SLF1: variants seen among roughly 807,000 people sequenced by gnomAD.
SLF1 encodes the protein SMC5/6 complex localization factor 1.
Under a neutral mutation model 123.0 loss-of-function variants are expected in SLF1, and 105 were observed. The ratio of observed to expected loss-of-function variants is 0.85; its 90% CI spans 0.73 to 1.00. The LOEUF (loss-of-function observed/expected upper bound fraction) is 1.00. SLF1 is among the 50% of genes least tolerant of loss of function. The pLI, the probability that SLF1 is intolerant of heterozygous loss-of-function variation, is 0.00. For synonymous variants in SLF1, 434 were observed against 406.6 expected (o/e 1.07, Z -0.81); for missense variants, 1,239 against 1,223.0 (o/e 1.01, Z -0.20).
intron 20 of SLF1, among the ~76,000 whole-genome samples, chr5:94,693,693 G>T (rs1231138467): frequency 2.0e-5 from 3 of 150,744 alleles, no homozygotes; most frequent in East Asian, 3.9e-4. Flanking sequence ...ATAATTTCAA[G>T]AATTTATTTA....
intron 18 of SLF1, among the ~76,000 whole-genome samples, chr5:94,690,352 A>G (rs1294908698): frequency 6.6e-6 from 1 of 152,194 alleles, no homozygotes; most frequent in East Asian, 1.9e-4. Context: ...TTATATTTCA[A>G]TGTGATATAA....
At chr5:94,690,703 T>G (rs1752965606) in intron 18 of SLF1, among the ~76,000 whole-genome samples, 1 of 152,166 alleles carries the variant, frequency 6.6e-6, no homozygotes, top group Non-Finnish European at 1.5e-5. Context: ...ATTCAGTATT[T>G]CATTTTGTTT....
intron 17 of SLF1, 111 bp downstream of exon 17, chr5:94,688,780 A>C: frequency 8.5e-7 from 1 of 1,170,484 alleles, no homozygotes; most frequent in South Asian, 2.1e-5. Flanking sequence ...TATACTGATT[A>C]GATCAAAACT....
At chr5:94,621,754 T>G (rs1253454293) in intron 1 of SLF1, among the ~76,000 whole-genome samples, 1 of 152,166 alleles carries the variant, frequency 6.6e-6, no homozygotes, top group Non-Finnish European at 1.5e-5. Context: ...CTTGTTCTGT[T>G]TCTTCCTTCT....
intron 12 of SLF1, among the ~76,000 whole-genome samples, chr5:94,667,303 A>G (rs965262266): frequency 6.6e-6 from 1 of 152,232 alleles, no homozygotes; most frequent in Non-Finnish European, 1.5e-5. Context: ...CAAGCCCAGC[A>G]TAGGTATATG....
At position 94,663,848 on chromosome 5, in the gene SLF1, G is replaced by T. The variant is rs1389845989; in HGVS notation, c.1308G>T (p.Leu436Phe). 1.8e-5 allele frequency: 28 copies of T among 1,550,824 alleles called. No homozygotes were observed. The highest frequency in any genetic ancestry group is 1.9e-5 in the Non-Finnish European group (22 of 1,146,766). ...AAGCAATTGAGGAACTTTCCACTTTGCAGGCACATTATATCCCTCCTGTAT... is the reference window on the plus strand; with the variant it reads ...AAGCAATTGAGGAACTTTCCACTTTTCAGGCACATTATATCCCTCCTGTAT... The part of the protein sequence containing the change: ...FKEAIEELST[L>F]QAHYIPPVCV... The change falls in exon 11 of 21, where the codon TTG (leucine) becomes TTT (phenylalanine). Residue 436 changes from leucine to phenylalanine, a missense_variant. Transcript: ENST00000265140.
intron 10 of SLF1, among the ~76,000 whole-genome samples, chr5:94,663,197 A>T (rs2044911): frequency 0.22 from 33,872 of 152,126 alleles, 3,898 homozygotes; most frequent in East Asian, 0.34. Context: ...TTTCTTTTAG[A>T]GGTAGTATTT....
intron 5 of SLF1, among the ~76,000 whole-genome samples, chr5:94,646,107 C>T (rs1485312202): frequency 6.6e-6 from 1 of 152,134 alleles, no homozygotes; most frequent in Non-Finnish European, 1.5e-5. Context: ...TTAAAATTTG[C>T]TGGATGTGGT....
At chr5:94,627,546 A>G in intron 1 of SLF1, among the ~76,000 whole-genome samples, 1 of 144,358 alleles carries the variant, frequency 6.9e-6, no homozygotes, top group Admixed American at 7.1e-5. Flanking sequence ...TTTTCCAAAA[A>G]GTGATTTTTT....
chr5:94,651,845 G>A lies in SLF1; in HGVS notation c.882G>A (p.Gln294=). The part of the protein sequence containing the change: ...NTFGSHTYEN[Q]KEIKKKDEDI... The stretch of plus-strand genomic sequence containing the variant: ...TTGGAAGCCATACATATGAAAATCA[G>A]GTACAACTTTCCAAATTAAAAATAA... The change falls in exon 7 of 21, where the codon CAG becomes CAA. Residue 294 remains glutamine (Q), a splice_region_variant and synonymous_variant. Transcript: ENST00000265140. 1 of 1,359,246 alleles carries A rather than the reference G, an allele frequency of 7.4e-7. No homozygotes were observed. The highest frequency in any genetic ancestry group is 9.8e-7 in the Non-Finnish European group (1 of 1,025,580). 84.2% of individuals were successfully genotyped at this position (1,359,246 alleles called of 1,614,324 possible).
At position 94,630,553 on chromosome 5, in the gene SLF1, A is replaced by C; in HGVS notation, c.241A>C (p.Arg81=). The C allele has an allele frequency of 6.4e-7, 1 of 1,551,644 alleles. No homozygotes were observed. ...DYIIHSAKSG[R]WLDETTYEWG... ...TATAATTCATAGTGCCAAAAGTGGCAGATGGCTTGATGAAACAACTTATGA... is the reference window on the plus strand; with the variant it reads ...TATAATTCATAGTGCCAAAAGTGGCCGATGGCTTGATGAAACAACTTATGA... Residue 81 remains arginine, a synonymous_variant, in exon 4 of 21, where the codon AGA becomes CGA. Transcript: ENST00000265140.
chr5:94,621,191 T>C (rs964224015), intron 1 of SLF1, among the ~76,000 whole-genome samples: 3 of 152,214 alleles, frequency 2.0e-5, no homozygotes, highest in African/African-American at 7.2e-5. Context: ...TTTATGAAAT[T>C]ATAATGTGGT....
At chr5:94,634,264 A>G (rs1322862240) in intron 4 of SLF1, among the ~76,000 whole-genome samples, 1 of 151,658 alleles carries the variant, frequency 6.6e-6, no homozygotes, top group African/African-American at 2.4e-5. Context: ...ATTTTTTTCT[A>G]TTACCTCAAA....
At chr5:94,674,630 G>A (rs1382553924) in intron 14 of SLF1, among the ~76,000 whole-genome samples, 2 of 152,142 alleles carry the variant, frequency 1.3e-5, no homozygotes, top group Non-Finnish European at 1.5e-5. Flanking sequence ...CTGAGTTGAA[G>A]TATTCAATTT....
intron 1 of SLF1, among the ~76,000 whole-genome samples, chr5:94,622,913 C>G (rs1791921033): frequency 6.6e-6 from 1 of 151,906 alleles, no homozygotes; most frequent in South Asian, 2.1e-4. Flanking sequence ...TTATGCATCC[C>G]TGTCTCTCAT....
chr5:94,678,411 T>C (rs1751343911), intron 14 of SLF1: 1 of 153,692 alleles, frequency 6.5e-6, no homozygotes, highest in African/African-American at 2.4e-5. Flanking sequence ...AGAATAATTC[T>C]GTATATAAAC....
At chr5:94,672,471 A>G (rs1213237921) in intron 14 of SLF1, among the ~76,000 whole-genome samples, 1 of 143,484 alleles carries the variant, frequency 7.0e-6, no homozygotes, top group Non-Finnish European at 1.5e-5. Flanking sequence ...CTCTCCCTCT[A>G]CCATTTCCCC....
chr5:94,643,186 T>C (rs1746641636), intron 4 of SLF1, 87 bp from the exon 5 acceptor site: 6 of 1,081,564 alleles, frequency 5.5e-6, no homozygotes, highest in Non-Finnish European at 7.8e-6. Flanking sequence ...AGTCCATTCG[T>C]ACTCCTAAGA....
At chr5:94,692,704 T>C (rs1369862480) in intron 20 of SLF1, among the ~76,000 whole-genome samples, 1 of 152,180 alleles carries the variant, frequency 6.6e-6, no homozygotes, top group Non-Finnish European at 1.5e-5. Context: ...CTGTACAGAC[T>C]GTAAAAAAAT....
Sources: gnomAD v4.1 joint callset for allele counts (sites outside exome capture counted in the v4.1 genomes callset) on GRCh38, gnomAD v4.1.1 for gene constraint, MANE v1.5 for transcripts, NCBI Gene and HGNC (gene_info 2026-07-23, HGNC 2026-07-21) for gene names.